The following POGLUT1 variants were observed in gnomAD, a reference collection of about 807,000 sequenced individuals.
POGLUT1 encodes protein O-glucosyltransferase 1, also known as 9630046K23Rik.
POGLUT1 carries 32 observed loss-of-function variants against 61.3 expected under a neutral mutation model. The ratio of observed to expected loss-of-function variants is 0.52; its 90% CI spans 0.39 to 0.70. The LOEUF (loss-of-function observed/expected upper bound fraction) is 0.70, where lower values mean the gene tolerates loss of function less well. Among genes scored for constraint, POGLUT1 ranks in the 30% least tolerant of loss-of-function variants. The pLI is 0.00. For missense variants in POGLUT1, 411 were observed against 469.8 expected, an observed-to-expected ratio of 0.87 and a Z score of 1.16; for synonymous variants, 158 against 158.2, an observed-to-expected ratio of 1.00 and a Z score of 0.01.
intron 5 of POGLUT1, among the ~76,000 whole-genome samples, chr3:119,484,303 C>G (rs2081640424): frequency 6.6e-6 from 1 of 152,174 alleles, no homozygotes; most frequent in Non-Finnish European, 1.5e-5. Context: ...TCCTAAGTTT[C>G]TCCGTTACTG....
At chr3:119,471,146 A>T (rs1187502087) in intron 2 of POGLUT1, among the ~76,000 whole-genome samples, 163 bp from the exon 3 acceptor site, 2 of 152,214 alleles carry the variant, frequency 1.3e-5, no homozygotes, top group Non-Finnish European at 2.9e-5. Flanking sequence ...GATGTTTCAG[A>T]TTACCTACAG....
chr3:119,469,809 A>G lies in POGLUT1; in HGVS notation c.86-11A>G. ...AATTTTTTTAACTCTCATTTACTTC[A>G]CTTTTTAAAGGTTCAAAATGGAAAG... On this transcript the variant is annotated splice_polypyrimidine_tract_variant and intron_variant, in intron 1 of 10. Transcript: ENST00000295588. 1 of 1,470,548 alleles carries G rather than the reference A, an allele frequency of 6.8e-7. No individual in the cohort carries two copies. The highest frequency in any genetic ancestry group is 9.5e-7 in the Non-Finnish European group (1 of 1,050,848). The allele number at this position is 1,470,548 out of a possible 1,614,324, so 91.1% of individuals were successfully genotyped here.
chr3:119,471,946 ATGGCAAATAATCCGGCAG>A (rs2081478822), intron 3 of POGLUT1: 1 of 167,544 alleles, frequency 6.0e-6, no homozygotes, highest in South Asian at 1.5e-4. Context: ...GAGTTGGATT[ATGGCAAATAATCCGGCAG>A]TGGCAAATAA....
rs537260581 is a variant in POGLUT1 at position 119,489,245 on chromosome 3, A to G, written c.797+258A>G. ...CACAGTAATGGAATTACCTCTCCAT[A>G]TGCCCCACCCACCCAATCATTGAAG... On this transcript the variant is annotated intron_variant, in intron 8 of 10. Transcript: ENST00000295588. The G allele has an allele frequency of 2.3e-3, 692 of 294,682 alleles. 4 individuals carry two copies. The highest frequency in any genetic ancestry group is 3.3e-3 in the Non-Finnish European group (519 of 158,140). The allele number at this position is 294,682 out of a possible 1,614,324, so 18.3% of individuals were successfully genotyped here. A position where few individuals can be genotyped will look rare whatever the true frequency, so the allele number is the denominator to read the frequency against.
rs563838897 is a variant in POGLUT1, at chr3:119,493,400, G to A, written c.*962G>A. The A allele has an allele frequency of 2.6e-5, 4 of 152,248 alleles. No homozygotes were observed. The East Asian group carries it at 7.7e-4, about 29-fold the overall frequency. 9.4% of individuals were successfully genotyped at this position (152,248 alleles called of 1,614,324 possible). On this transcript the variant is annotated 3_prime_UTR_variant, in exon 11 of 11. Coordinates refer to ENST00000295588, the MANE Select transcript of POGLUT1 (RefSeq NM_152305.3). The stretch of plus-strand genomic sequence containing the variant: ...ATTTGTTTTAGTGCAAATCCATGAT[G>A]GAGTGCCTCCCTTTTCCTTTTTTCA...
chr3:119,481,513 T>G (rs1379220206), intron 5 of POGLUT1, among the ~76,000 whole-genome samples: 1 of 152,238 alleles, frequency 6.6e-6, no homozygotes, highest in Non-Finnish European at 1.5e-5. Flanking sequence ...TGGCTGAAGA[T>G]TCAAAGAGGA....
At chr3:119,477,596 C>T (rs2081554366) in intron 4 of POGLUT1, 148 bp downstream of exon 4, 3 of 704,906 alleles carry the variant, frequency 4.3e-6, no homozygotes, top group South Asian at 1.8e-5. Context: ...ATTAGCATCA[C>T]AGTGATTGAG....
intron 3 of POGLUT1, among the ~76,000 whole-genome samples, chr3:119,474,293 T>C (rs1031701205): frequency 6.6e-5 from 10 of 152,224 alleles, no homozygotes; most frequent in Non-Finnish European, 1.0e-4. Flanking sequence ...GTACAATTAT[T>C]ATTTATCAAT....
chr3:119,469,692 C>T, intron 1 of POGLUT1, 128 bp from the exon 2 acceptor site: 1 of 619,064 alleles, frequency 1.6e-6, no homozygotes, highest in Non-Finnish European at 2.9e-6. Flanking sequence ...CCTAGCGTTT[C>T]GTTTCCATCA....
intron 3 of POGLUT1, among the ~76,000 whole-genome samples, chr3:119,476,026 C>T (rs1027703220): frequency 6.6e-6 from 1 of 150,970 alleles, no homozygotes; most frequent in African/African-American, 2.4e-5. Context: ...TGTGTTGGCA[C>T]ACACCTGTAG....
intron 4 of POGLUT1, among the ~76,000 whole-genome samples, 191 bp downstream of exon 4, chr3:119,477,639 G>C: frequency 6.6e-6 from 1 of 152,344 alleles, no homozygotes; most frequent in South Asian, 2.1e-4. Context: ...TTGAGAGCTG[G>C]TAAGTAGTGT....
intron 4 of POGLUT1, among the ~76,000 whole-genome samples, chr3:119,477,887 C>T (rs1296015843): frequency 1.3e-5 from 2 of 152,184 alleles, no homozygotes; most frequent in East Asian, 1.9e-4. Flanking sequence ...ATTCCGGGGG[C>T]CCAGGGTGGC....
chr3:119,477,817 C>T (rs1022843397), intron 4 of POGLUT1, among the ~76,000 whole-genome samples: 3 of 152,198 alleles, frequency 2.0e-5, no homozygotes, highest in African/African-American at 7.2e-5. Context: ...GTTTGTTGAG[C>T]TCCTACTATG....
intron 3 of POGLUT1, among the ~76,000 whole-genome samples, chr3:119,474,251 T>C (rs1277890447): frequency 6.6e-6 from 1 of 152,240 alleles, no homozygotes; most frequent in Non-Finnish European, 1.5e-5. Flanking sequence ...TGTAAACATA[T>C]ATCAAAACAT....
rs1176836370 is a variant in POGLUT1 at position 119,477,404 on chromosome 3, C to G, written c.412C>G (p.Pro138Ala). 2.3e-5 allele frequency: 37 copies of G among 1,613,994 alleles called. No individual in the cohort carries two copies. The Admixed American group carries it at 6.0e-4, about 26-fold the overall frequency. ...CAATGTACGAGATTATCCTCAGGTT[C>G]CTAAATGGATGGAGCCTGCCATCCC... ...VINVRDYPQVPKWMEPAIPVF... is the reference protein window; with the variant it reads ...VINVRDYPQVAKWMEPAIPVF... The change falls in exon 4 of 11, where the codon CCT becomes GCT. Residue 138 changes from proline (P) to alanine (A), a missense_variant. Pro to Ala is a conservative substitution (Grantham distance 27, BLOSUM62 -1). Coordinates refer to ENST00000295588, the MANE Select transcript of POGLUT1 (RefSeq NM_152305.3).
chr3:119,485,841 A>G (rs2081658271), intron 6 of POGLUT1, among the ~76,000 whole-genome samples: 1 of 152,238 alleles, frequency 6.6e-6, no homozygotes, highest in African/African-American at 2.4e-5. Context: ...GACTGCTGAA[A>G]ATGAAGAAGG....
intron 5 of POGLUT1, among the ~76,000 whole-genome samples, chr3:119,483,386 C>T (rs1444970984): frequency 6.6e-6 from 1 of 152,204 alleles, no homozygotes; most frequent in African/African-American, 2.4e-5. Context: ...AATGGAAAGG[C>T]AGTGTAGGTT....
At chr3:119,488,816 A>T (rs2081703791) in intron 7 of POGLUT1, 113 bp from the exon 8 acceptor site, 1 of 564,790 alleles carries the variant, frequency 1.8e-6, no homozygotes, top group African/African-American at 1.8e-5. Context: ...GAGTATATTG[A>T]TTATGAAGCT....
intron 7 of POGLUT1, among the ~76,000 whole-genome samples, chr3:119,487,595 TAAATAA>T (rs551300868): frequency 2.0e-3 from 298 of 152,074 alleles, no homozygotes; most frequent in African/African-American, 6.6e-3. Flanking sequence ...CAAAAATAAG[TAAATAA>T]AAATAAAAAT....
Sources: gnomAD v4.1 joint callset for allele counts (sites outside exome capture counted in the v4.1 genomes callset) on GRCh38, gnomAD v4.1.1 for gene constraint, MANE v1.5 for transcripts, NCBI Gene and HGNC (gene_info 2026-07-23, HGNC 2026-07-21) for gene names.